CERS6: variants seen among roughly 807,000 people sequenced by gnomAD.
The protein encoded by CERS6 is LAG1 homolog, ceramide synthase 6.
In CERS6, 26 loss-of-function variants were observed where a neutral mutation model predicts 56.8. That is an observed-to-expected ratio of 0.46 (90% CI 0.34 to 0.63). CERS6 has a LOEUF of 0.63. CERS6 is among the 30% of genes least tolerant of loss of function. The pLI is 0.01. For missense variants in CERS6, 415 were observed against 467.5 expected, an observed-to-expected ratio of 0.89 and a Z score of 1.04; for synonymous variants, 164 against 173.3, an observed-to-expected ratio of 0.95 and a Z score of 0.42.
At chr2:168,667,836 A>G (rs1685803079) in intron 4 of CERS6, among the ~76,000 whole-genome samples, 2 of 152,244 alleles carry the variant, frequency 1.3e-5, no homozygotes, top group Admixed American at 6.5e-5. Context: ...AGACAGGTGA[A>G]CAGATATTTA....
Position 168,615,128 on chromosome 2 carries a change from C to T in CERS6, c.408-15857C>T, listed in dbSNP as rs143944567. On this transcript the variant is annotated intron_variant, in intron 3 of 9. Coordinates refer to ENST00000305747, the MANE Select transcript of CERS6 (RefSeq NM_203463.3). ...TCCACAAGAGAGATGACAGTCACTA[C>T]AACTTGGCTCTCAGGAAGCCACATC... is the stretch of plus-strand genomic sequence containing the variant. Among the ~76,000 whole-genome samples the T allele has an allele frequency of 1.1e-4, 16 of 152,176 alleles. No individual in the cohort carries two copies. In the East Asian group the frequency reaches 3.1e-3, roughly 30 times the overall value.
intron 1 of CERS6, among the ~76,000 whole-genome samples, chr2:168,523,037 A>T (rs1474213851): frequency 1.3e-5 from 2 of 152,252 alleles, no homozygotes; most frequent in Admixed American, 1.3e-4. Context: ...GGCTGAAAGT[A>T]ACAGTACCTG....
At chr2:168,727,965 T>C (rs924411090) in intron 8 of CERS6, among the ~76,000 whole-genome samples, 1 of 152,218 alleles carries the variant, frequency 6.6e-6, no homozygotes, top group East Asian at 1.9e-4. Context: ...ATGGAAATAA[T>C]GTGTGTTGAG....
At position 168,524,713 on chromosome 2, in the gene CERS6, T is replaced by A. The variant is rs778786749; in HGVS notation, c.171-22883T>A. On this transcript the variant is annotated intron_variant, in intron 1 of 9. Coordinates refer to ENST00000305747, the MANE Select transcript of CERS6 (RefSeq NM_203463.3). ...TATTTGACTTCTAGAATGAGACAGA[T>A]GATCATTTTACTCTTCTTTTAGTAA... Among the ~76,000 whole-genome samples the A allele has an allele frequency of 4.6e-5, 7 of 152,214 alleles. 1 individual carries two copies. Among genetic ancestry groups the A allele is most frequent in the Admixed American group, 4.6e-4 (7 of 15,272 alleles).
intron 1 of CERS6, among the ~76,000 whole-genome samples, chr2:168,484,032 C>A (rs1356609921): frequency 6.6e-6 from 1 of 151,988 alleles, no homozygotes; most frequent in Non-Finnish European, 1.5e-5. Context: ...AATATTGTAC[C>A]AGTATGTTCA....
chr2:168,620,062 C>CATATACATAT (rs34372911), intron 3 of CERS6, among the ~76,000 whole-genome samples: 30 of 70,076 alleles, frequency 4.3e-4, no homozygotes, highest in East Asian at 2.4e-3. Flanking sequence ...CACACACACA[C>CATATACATAT]ATATTTATAT....
At chr2:168,760,766 A>AT (rs1553517052) in intron 8 of CERS6, among the ~76,000 whole-genome samples, 1 of 127,120 alleles carries the variant, frequency 7.9e-6, no homozygotes, top group Non-Finnish European at 1.9e-5. Flanking sequence ...TTATTTATTT[A>AT]TTTTTTTGAG....
chr2:168,505,630 A>T (rs1694664055), intron 1 of CERS6, among the ~76,000 whole-genome samples: 1 of 152,126 alleles, frequency 6.6e-6, no homozygotes, highest in South Asian at 2.1e-4. Flanking sequence ...TTAAGTACTG[A>T]AAGCATGGCC....
intron 8 of CERS6, among the ~76,000 whole-genome samples, chr2:168,738,162 C>A (rs1255777695): frequency 6.6e-6 from 1 of 152,182 alleles, no homozygotes; most frequent in Non-Finnish European, 1.5e-5. Context: ...GGGTGAGAGA[C>A]TCAAATTATG....
chr2:168,499,487 T>G (rs1694540007), intron 1 of CERS6, among the ~76,000 whole-genome samples: 1 of 152,148 alleles, frequency 6.6e-6, no homozygotes, highest in Non-Finnish European at 1.5e-5. Context: ...AATTTCCAAA[T>G]ATGTAGGGAG....
intron 3 of CERS6, among the ~76,000 whole-genome samples, chr2:168,606,751 G>GACC (rs1559017889): frequency 1.3e-5 from 2 of 152,190 alleles, no homozygotes; most frequent in African/African-American, 4.8e-5. Flanking sequence ...CTGGAGGTGG[G>GACC]ACCTGGTGGA....
chr2:168,670,330 C>T (rs77810974), intron 4 of CERS6, among the ~76,000 whole-genome samples: 2,876 of 152,234 alleles, frequency 0.019, 77 homozygotes, highest in East Asian at 0.058. Flanking sequence ...ATACCAGCCT[C>T]GTGAGAAATC....
intron 4 of CERS6, among the ~76,000 whole-genome samples, chr2:168,684,716 AC>A (rs1357299285): frequency 1.3e-5 from 2 of 152,184 alleles, no homozygotes; most frequent in African/African-American, 4.8e-5. Context: ...GCTTCTCAAA[AC>A]CAGGGTGGAA....
At chr2:168,699,229 C>G (rs1251845746) in intron 6 of CERS6, among the ~76,000 whole-genome samples, 2 of 152,178 alleles carry the variant, frequency 1.3e-5, no homozygotes, top group African/African-American at 2.4e-5. Flanking sequence ...CAGATGCACT[C>G]TCCACCTTCT....
At chr2:168,751,302 G>T (rs1370796388) in intron 8 of CERS6, among the ~76,000 whole-genome samples, 1 of 152,178 alleles carries the variant, frequency 6.6e-6, no homozygotes, top group Non-Finnish European at 1.5e-5. Context: ...GGCTGTATCA[G>T]GTACTTTTTT....
intron 3 of CERS6, among the ~76,000 whole-genome samples, chr2:168,583,448 T>A (rs1256452919): frequency 1.3e-5 from 2 of 152,190 alleles, no homozygotes; most frequent in African/African-American, 2.4e-5. Flanking sequence ...AACTACAGAA[T>A]CTTTTTAGCT....
chr2:168,624,652 C>T (rs779335437), intron 3 of CERS6, among the ~76,000 whole-genome samples: 2 of 152,150 alleles, frequency 1.3e-5, no homozygotes, highest in Non-Finnish European at 2.9e-5. Flanking sequence ...AAGGACTTCA[C>T]AAAGATGACT....
At chr2:168,591,399 C>A (rs1255571671) in intron 3 of CERS6, among the ~76,000 whole-genome samples, 1 of 152,148 alleles carries the variant, frequency 6.6e-6, no homozygotes, top group African/African-American at 2.4e-5. Context: ...AGTTTGATAG[C>A]CAAATTGAGA....
chr2:168,745,148 CATT>C (rs1009390640), intron 8 of CERS6, among the ~76,000 whole-genome samples: 4 of 152,132 alleles, frequency 2.6e-5, no homozygotes, highest in Admixed American at 6.5e-5. Context: ...TGGAAAGCAC[CATT>C]ACGAATAAAA....
Sources: gnomAD v4.1 joint callset for allele counts (sites outside exome capture counted in the v4.1 genomes callset) on GRCh38, gnomAD v4.1.1 for gene constraint, MANE v1.5 for transcripts, NCBI Gene and HGNC (gene_info 2026-07-23, HGNC 2026-07-21) for gene names.